NLK: variants seen among roughly 807,000 people sequenced by gnomAD.
The protein encoded by NLK is serine/threonine-protein kinase NLK.
A neutral mutation model predicts 59.0 loss-of-function variants in NLK; 11 were observed. The ratio of observed to expected loss-of-function variants is 0.19; its 90% CI spans 0.12 to 0.31. The LOEUF (loss-of-function observed/expected upper bound fraction) is 0.31. Among genes scored for constraint, NLK ranks in the 10% least tolerant of loss-of-function variants. The pLI is 1.00. For synonymous variants in NLK, 235 were observed against 235.9 expected, an observed-to-expected ratio of 1.00 and a Z score of 0.03; for missense variants, 410 against 661.1, an observed-to-expected ratio of 0.62 and a Z score of 4.16.
At chr17:28,188,681 C>T (rs768554097) in intron 8 of NLK, among the ~76,000 whole-genome samples, 7 of 152,114 alleles carry the variant, frequency 4.6e-5, no homozygotes, top group Non-Finnish European at 8.8e-5. Flanking sequence ...AGGATTTCAC[C>T]GTGTTGACAA....
At position 28,042,693 on chromosome 17, in the gene NLK, C is replaced by T. The variant is rs374269829; in HGVS notation, c.-181C>T. 28 of 499,744 alleles carry T rather than the reference C, an allele frequency of 5.6e-5. 1 individual carries two copies. The South Asian group carries it at 1.1e-3, about 20-fold the overall frequency. The allele number at this position is 499,744 out of a possible 1,614,324, so 31.0% of individuals were successfully genotyped here. ...TTTTTTTTCCTTTTGGCAACCCACA[C>T]CCTTCCACACACGCTCACCCCAAAA... On this transcript the variant is annotated 5_prime_UTR_variant, in exon 1 of 11. Coordinates refer to ENST00000407008, the MANE Select transcript of NLK (RefSeq NM_016231.5).
chr17:28,105,228 T>G (rs1297541914), intron 1 of NLK, among the ~76,000 whole-genome samples: 2 of 152,210 alleles, frequency 1.3e-5, no homozygotes, highest in African/African-American at 4.8e-5. Flanking sequence ...GCACTGTCTT[T>G]TAAATTTATG....
At chr17:28,148,430 C>G (rs1597710102) in intron 3 of NLK, among the ~76,000 whole-genome samples, 2 of 152,040 alleles carry the variant, frequency 1.3e-5, no homozygotes, top group Non-Finnish European at 2.9e-5. Context: ...CTTGTATCGT[C>G]AAGATTATTT....
At position 28,196,334 on chromosome 17, in the gene NLK, T is replaced by C. The variant is rs980032188; in HGVS notation, c.*1698T>C. 1 of 152,654 alleles carries C rather than the reference T, an allele frequency of 6.6e-6. No individual in the cohort carries two copies. The highest frequency in any genetic ancestry group is 1.5e-5 in the Non-Finnish European group (1 of 68,042). 9.5% of individuals were successfully genotyped at this position (152,654 alleles called of 1,614,324 possible). On this transcript the variant is annotated 3_prime_UTR_variant, in exon 11 of 11. Coordinates refer to ENST00000407008, the MANE Select transcript of NLK (RefSeq NM_016231.5). ...CACTTTCTGGTCACTTTGTACAATG[T>C]AGATTTGAAGTACAGTGGTGAAAAC...
chr17:28,198,439 T>C (rs111878774), downstream of NLK, among the ~76,000 whole-genome samples: 32,814 of 152,128 alleles, frequency 0.22, 3,722 homozygotes, highest in Non-Finnish European at 0.23. Flanking sequence ...TTCTCCTGCC[T>C]CAGCCTCCCA....
intron 1 of NLK, among the ~76,000 whole-genome samples, chr17:28,098,241 G>A (rs888964025): frequency 2.6e-5 from 4 of 152,254 alleles, no homozygotes; most frequent in African/African-American, 7.2e-5. Context: ...AAATGATATA[G>A]TTGCTCATGT....
intron 7 of NLK, among the ~76,000 whole-genome samples, chr17:28,175,171 C>T (rs533876667): frequency 3.3e-5 from 5 of 151,822 alleles, no homozygotes; most frequent in South Asian, 2.1e-4. Context: ...GTCAGCCGGG[C>T]GCGGCGGCTC....
chr17:28,106,177 A>C (rs1905073815), intron 1 of NLK, among the ~76,000 whole-genome samples: 1 of 152,226 alleles, frequency 6.6e-6, no homozygotes, highest in Non-Finnish European at 1.5e-5. Context: ...TGCCTCAAGC[A>C]ACATTAATTT....
chr17:28,071,457 G>A (rs1046106406), intron 1 of NLK, among the ~76,000 whole-genome samples: 8 of 144,614 alleles, frequency 5.5e-5, no homozygotes, highest in Admixed American at 2.1e-4. Flanking sequence ...TTTTTTAACA[G>A]CCTTTGTCAA....
At chr17:28,190,829 A>T (rs749909887) in intron 8 of NLK, 192 bp from the exon 9 acceptor site, 4 of 490,564 alleles carry the variant, frequency 8.2e-6, no homozygotes, top group African/African-American at 1.9e-5. Flanking sequence ...TAATAACAGT[A>T]GTTGTCCTAA....
intron 3 of NLK, among the ~76,000 whole-genome samples, chr17:28,148,777 GT>G (rs1907360117): frequency 6.6e-6 from 1 of 152,134 alleles, no homozygotes; most frequent in African/African-American, 2.4e-5. Flanking sequence ...TCTTATTTTG[GT>G]TGTGTTCTGC....
intron 1 of NLK, among the ~76,000 whole-genome samples, chr17:28,072,455 G>A (rs1002681144): frequency 4.0e-5 from 6 of 151,156 alleles, no homozygotes; most frequent in Admixed American, 2.6e-4. Context: ...CCTCCCAAGG[G>A]GCTGGGACCA....
chr17:28,139,053 C>T (rs1247124273), intron 3 of NLK, among the ~76,000 whole-genome samples: 9 of 152,118 alleles, frequency 5.9e-5, no homozygotes, highest in African/African-American at 1.9e-4. Context: ...GTCAGGAGCT[C>T]GAGACCTGTC....
chr17:28,142,941 G>A (rs897445879), intron 3 of NLK, among the ~76,000 whole-genome samples: 1 of 152,040 alleles, frequency 6.6e-6, no homozygotes, highest in African/African-American at 2.4e-5. Context: ...GCCAGGCTTG[G>A]GCATCTATGT....
intron 1 of NLK, among the ~76,000 whole-genome samples, chr17:28,106,735 T>G: frequency 6.6e-6 from 1 of 152,008 alleles, no homozygotes; most frequent in East Asian, 1.9e-4. Flanking sequence ...AAACAACAGG[T>G]TTTCAACCAA....
chr17:28,135,698 G>T (rs1356008546), intron 3 of NLK, among the ~76,000 whole-genome samples: 7 of 152,160 alleles, frequency 4.6e-5, no homozygotes, highest in Non-Finnish European at 8.8e-5. Context: ...AAGATAATTG[G>T]TGAATGTGGA....
intron 1 of NLK, among the ~76,000 whole-genome samples, chr17:28,046,849 CT>C: frequency 6.6e-6 from 1 of 152,216 alleles, no homozygotes; most frequent in East Asian, 1.9e-4. Context: ...TGGGAAAAGA[CT>C]TTTTTATAAA....
intron 3 of NLK, among the ~76,000 whole-genome samples, chr17:28,149,156 G>T (rs1907379354): frequency 6.6e-6 from 1 of 152,300 alleles, no homozygotes; most frequent in South Asian, 2.1e-4. Flanking sequence ...GAACTCCTGG[G>T]CTTAAACTTA....
chr17:28,187,472 T>A lies in NLK; in HGVS notation c.1236+2207T>A, dbSNP rs535513513. Among the ~76,000 whole-genome samples, 3 of 152,266 alleles carry A rather than the reference T, an allele frequency of 2.0e-5. No homozygotes were observed. The East Asian group carries it at 5.8e-4, about 29-fold the overall frequency. ...CACGTGCCACCACACCCGGCTAATTTTATATTTTTAGTAGAGATGGGGTTT... is the reference window on the plus strand; with the variant it reads ...CACGTGCCACCACACCCGGCTAATTATATATTTTTAGTAGAGATGGGGTTT... On this transcript the variant is annotated intron_variant, in intron 8 of 10. Transcript: ENST00000407008.
Sources: gnomAD v4.1 joint callset for allele counts (sites outside exome capture counted in the v4.1 genomes callset) on GRCh38, gnomAD v4.1.1 for gene constraint, MANE v1.5 for transcripts, NCBI Gene and HGNC (gene_info 2026-07-23, HGNC 2026-07-21) for gene names.